SOX6: variants seen among roughly 807,000 people sequenced by gnomAD.
SOX6 encodes SRY-box transcription factor 6, also known as transcription factor SOX-6.
Under a neutral mutation model 97.8 loss-of-function variants are expected in SOX6, and 11 were observed. The ratio of observed to expected loss-of-function variants is 0.11; its 90% confidence interval spans 0.07 to 0.19. The LOEUF is 0.19. SOX6 is among the 10% of genes least tolerant of loss of function. The pLI is 1.00. For synonymous variants in SOX6, 360 were observed against 371.4 expected (o/e 0.97, Z 0.35); for missense variants, 810 against 1,039.5 (o/e 0.78, Z 3.04).
At chr11:16,162,114 C>G (rs1043926672) in intron 6 of SOX6, among the ~76,000 whole-genome samples, 1 of 152,172 alleles carries the variant, frequency 6.6e-6, no homozygotes, top group Non-Finnish European at 1.5e-5. Context: ...ATAGCAACTT[C>G]ATCAAACTAG....
intron 6 of SOX6, among the ~76,000 whole-genome samples, chr11:16,173,485 A>G (rs1355729895): frequency 1.3e-5 from 2 of 151,798 alleles, no homozygotes; most frequent in African/African-American, 2.4e-5. Context: ...CACTCTATAT[A>G]TCAAGTGGTT....
intron 3 of SOX6, among the ~76,000 whole-genome samples, chr11:16,631,997 T>C (rs1848713373): frequency 6.6e-6 from 1 of 152,224 alleles, no homozygotes; most frequent in Non-Finnish European, 1.5e-5. Flanking sequence ...AGAAGTTTAT[T>C]TGCATTGACT....
At chr11:16,152,619 T>C (rs760751877) in intron 6 of SOX6, among the ~76,000 whole-genome samples, 2 of 152,222 alleles carry the variant, frequency 1.3e-5, no homozygotes, top group Non-Finnish European at 2.9e-5. Context: ...TGTTATATAA[T>C]AGTGACTGAA....
At chr11:15,980,482 TAA>T (rs998493929) in intron 15 of SOX6, among the ~76,000 whole-genome samples, 6 of 151,990 alleles carry the variant, frequency 3.9e-5, no homozygotes, top group African/African-American at 1.4e-4. Context: ...ATTATCAGCA[TAA>T]AAAGAGACTA....
intron 3 of SOX6, among the ~76,000 whole-genome samples, chr11:16,293,487 A>C (rs779867274): frequency 1.3e-5 from 2 of 152,114 alleles, no homozygotes; most frequent in East Asian, 3.9e-4. Flanking sequence ...GCACTGCCCT[A>C]CTTGTTTCTG....
At chr11:15,976,038 GTTT>G (rs1278195740) in intron 15 of SOX6, among the ~76,000 whole-genome samples, 3 of 152,174 alleles carry the variant, frequency 2.0e-5, no homozygotes, top group Admixed American at 6.5e-5. Context: ...ATATATGGCT[GTTT>G]TAAGCCCCCA....
rs150393184 is a variant in SOX6 at position 16,610,441 on chromosome 11, C to G, written n.609+1640G>C. Among the ~76,000 whole-genome samples the G allele has an allele frequency of 6.6e-6, 1 of 152,106 alleles. No individual in the cohort carries two copies. The highest frequency in any genetic ancestry group is 2.4e-5 in the African/African-American group (1 of 41,410). ...CGGGGTTCTGGTGGGCAAGACTGAC[C>G]CTGCCGACCAGATGCAGGCCGCTAG... On this transcript the variant is annotated intron_variant and non_coding_transcript_variant, in intron 4 of 5. Coordinates refer to the SOX6 transcript ENST00000524520. The surrounding 1 kb of genome is among the most constrained non-coding windows in gnomAD (Gnocchi z 4.4).
intron 1 of SOX6, among the ~76,000 whole-genome samples, chr11:16,451,273 G>A (rs1342152342): frequency 2.0e-5 from 3 of 152,042 alleles, no homozygotes; most frequent in South Asian, 2.1e-4. Flanking sequence ...CTCTGAGGTA[G>A]CATATATTAT....
intron 3 of SOX6, among the ~76,000 whole-genome samples, chr11:16,661,864 T>C (rs1000179734): frequency 1.3e-5 from 2 of 152,192 alleles, no homozygotes; most frequent in Admixed American, 6.5e-5. Context: ...GAGCATTTTA[T>C]ATGATTATAC....
intron 1 of SOX6, among the ~76,000 whole-genome samples, chr11:16,398,925 T>C (rs1858453386): frequency 6.6e-6 from 1 of 151,384 alleles, no homozygotes; most frequent in Non-Finnish European, 1.5e-5. Context: ...ATCATTTATT[T>C]TTATTTTCAT....
intron 4 of SOX6, among the ~76,000 whole-genome samples, chr11:16,517,500 T>G (rs1860992143): frequency 6.6e-6 from 1 of 152,162 alleles, no homozygotes; most frequent in African/African-American, 2.4e-5. Flanking sequence ...ATATAAAATT[T>G]TACAATCAAG....
intron 1 of SOX6, among the ~76,000 whole-genome samples, chr11:16,350,925 C>G (rs984105249): frequency 6.6e-6 from 1 of 152,030 alleles, no homozygotes; most frequent in Non-Finnish European, 1.5e-5. Context: ...AGGCAAATAG[C>G]TTATTGTTTT....
intron 3 of SOX6, among the ~76,000 whole-genome samples, chr11:16,245,892 G>T (rs1190010275): frequency 6.6e-6 from 1 of 151,158 alleles, no homozygotes; most frequent in Non-Finnish European, 1.5e-5. Context: ...GATAATCTCT[G>T]CCTTTTAAAA....
intron 9 of SOX6, among the ~76,000 whole-genome samples, chr11:16,094,504 G>GTCCAGCAGGAGAGGAAACAGAAAAT (rs1401021421): frequency 6.6e-6 from 1 of 151,910 alleles, no homozygotes; most frequent in Non-Finnish European, 1.5e-5. Flanking sequence ...AAACAGAAAA[G>GTCCAGCAGGAGAGGAAACAGAAAAT]TCCAGCAGGA....
At chr11:16,174,030 G>C (rs55882244) in intron 6 of SOX6, among the ~76,000 whole-genome samples, 12,052 of 137,238 alleles carry the variant, frequency 0.088, 1,067 homozygotes, top group East Asian at 0.38. Flanking sequence ...CCTTTCCTTT[G>C]TTTCTTTTTT....
intron 4 of SOX6, among the ~76,000 whole-genome samples, chr11:16,485,340 C>CT (rs1170787791): frequency 6.6e-5 from 10 of 152,202 alleles, no homozygotes; most frequent in Non-Finnish European, 8.8e-5. Context: ...TATCCCACCA[C>CT]TTTGGGATGC....
chr11:16,456,170 TA>T (rs1859807266), intron 1 of SOX6, among the ~76,000 whole-genome samples: 2 of 152,124 alleles, frequency 1.3e-5, no homozygotes, highest in African/African-American at 4.8e-5. Context: ...AGGTTTAAAA[TA>T]TATATATTAA....
chr11:16,709,122 G>T (rs1848157873), intron 3 of SOX6, among the ~76,000 whole-genome samples: 1 of 152,140 alleles, frequency 6.6e-6, no homozygotes, highest in Non-Finnish European at 1.5e-5. Flanking sequence ...TTGACAGAGG[G>T]GCCTGGTGGG....
At chr11:16,560,137 T>C (rs988460731) in intron 4 of SOX6, among the ~76,000 whole-genome samples, 1 of 152,030 alleles carries the variant, frequency 6.6e-6, no homozygotes, top group Admixed American at 6.6e-5. Flanking sequence ...AGGGAGGAAA[T>C]GTTTTCAAAG....
Sources: gnomAD v4.1 joint callset for allele counts (sites outside exome capture counted in the v4.1 genomes callset) on GRCh38, gnomAD v4.1.1 for gene constraint, Gnocchi (gnomAD v3.1) non-coding constraint, MANE v1.5 for transcripts, NCBI Gene and HGNC (gene_info 2026-07-23, HGNC 2026-07-21) for gene names.